PRKCH: variants seen among roughly 807,000 people sequenced by gnomAD.
PRKCH encodes protein kinase C eta type.
A neutral mutation model predicts 82.5 loss-of-function variants in PRKCH; 28 were observed. The observed-to-expected ratio is 0.34, with a 90% CI of 0.25 to 0.47. PRKCH has a LOEUF of 0.47. Among genes scored for constraint, PRKCH ranks in the 20% least tolerant of loss-of-function variants. The pLI, the probability that PRKCH is intolerant of heterozygous loss-of-function variation, is 1.00. For missense variants in PRKCH, 705 were observed against 881.8 expected, an observed-to-expected ratio of 0.80 and a Z score of 2.54; for synonymous variants, 322 against 327.4, an observed-to-expected ratio of 0.98 and a Z score of 0.18.
At chr14:61,264,299 C>T (rs2045076729) in intron 1 of PRKCH, among the ~76,000 whole-genome samples, 1 of 152,150 alleles carries the variant, frequency 6.6e-6, no homozygotes, top group South Asian at 2.1e-4. Flanking sequence ...GTTTGCTTTT[C>T]AAGCTTAGGG....
intron 2 of PRKCH, among the ~76,000 whole-genome samples, chr14:61,441,782 G>A (rs1390442432): frequency 1.6e-5 from 2 of 126,808 alleles, no homozygotes; most frequent in Non-Finnish European, 3.3e-5. Context: ...TTGCAAATCT[G>A]TGAACTTTGG....
intron 1 of PRKCH, among the ~76,000 whole-genome samples, chr14:61,202,707 A>C (rs972496774): frequency 5.3e-5 from 8 of 152,186 alleles, no homozygotes; most frequent in Non-Finnish European, 1.0e-4. Flanking sequence ...CAAAAAAATT[A>C]ATAGACTATT....
At chr14:61,197,381 G>A (rs1278451858) in intron 1 of PRKCH, among the ~76,000 whole-genome samples, 3 of 152,146 alleles carry the variant, frequency 2.0e-5, no homozygotes, top group African/African-American at 7.2e-5. Context: ...ATAGGGCTTA[G>A]CCCAGTACTA....
chr14:61,331,922 C>G (rs957483531), intron 1 of PRKCH, among the ~76,000 whole-genome samples: 6 of 152,196 alleles, frequency 3.9e-5, no homozygotes, highest in African/African-American at 1.4e-4. Context: ...TGTATAGCAT[C>G]GCTAGTGATG....
chr14:61,528,982 G>GTGTT, intron 10 of PRKCH, 93 bp from the exon 11 acceptor site: 1 of 1,148,242 alleles, frequency 8.7e-7, no homozygotes, highest in African/African-American at 1.6e-5. Flanking sequence ...ACGTGTGTGT[G>GTGTT]TGTGTGTGTG....
At position 61,280,046 on chromosome 14, in the gene PRKCH, G is replaced by A; in HGVS notation, c.-19+92378G>A. ...GAGGAGGAGATGCCAAAAGCACCTTGCAAGAGTTTTGGCAAGAAGCAGGAG... is the reference window on the plus strand; with the variant it reads ...GAGGAGGAGATGCCAAAAGCACCTTACAAGAGTTTTGGCAAGAAGCAGGAG... On this transcript the variant is annotated intron_variant, in intron 1 of 3. Transcript: ENST00000555185. This position sits in a 1 kb window ranked among gnomAD's most constrained non-coding sequence, Gnocchi z 5.0. The A allele has an allele frequency of 1.3e-6, 2 of 1,508,174 alleles. No individual in the cohort carries two copies. The highest frequency in any genetic ancestry group is 1.8e-6 in the Non-Finnish European group (2 of 1,121,370). The allele number at this position is 1,508,174 out of a possible 1,614,324, so 93.4% of individuals were successfully genotyped here. A position where few individuals can be genotyped will look rare whatever the true frequency, so the allele number is the denominator to read the frequency against.
chr14:61,328,813 C>A (rs992649564), intron 1 of PRKCH, among the ~76,000 whole-genome samples: 2 of 151,798 alleles, frequency 1.3e-5, no homozygotes, highest in Admixed American at 6.6e-5. Context: ...AATAGTGAGA[C>A]CCCATCTCCA....
chr14:61,454,465 G>T (rs1476992273), intron 7 of PRKCH, among the ~76,000 whole-genome samples: 1 of 152,102 alleles, frequency 6.6e-6, no homozygotes, highest in Non-Finnish European at 1.5e-5. Context: ...TAAAACCCAG[G>T]ATCCTGGGTT....
At chr14:61,211,091 G>A (rs2044575441) in intron 1 of PRKCH, among the ~76,000 whole-genome samples, 1 of 152,174 alleles carries the variant, frequency 6.6e-6, no homozygotes, top group African/African-American at 2.4e-5. Context: ...ACTGGAACCT[G>A]TCTTTGTCTC....
intron 1 of PRKCH, among the ~76,000 whole-genome samples, chr14:61,323,353 ACT>A (rs2045656066): frequency 6.6e-6 from 1 of 152,132 alleles, no homozygotes; most frequent in Admixed American, 6.6e-5. Context: ...TAATCCTCAC[ACT>A]GTCTTTGTGA....
intron 1 of PRKCH, among the ~76,000 whole-genome samples, chr14:61,227,663 C>T (rs115642492): frequency 1.3e-5 from 2 of 151,994 alleles, no homozygotes; most frequent in Non-Finnish European, 2.9e-5. Flanking sequence ...TTTTTATGTC[C>T]ATGCATAGGA....
chr14:61,490,944 A>G (rs1886426522), intron 10 of PRKCH, among the ~76,000 whole-genome samples: 1 of 152,050 alleles, frequency 6.6e-6, no homozygotes, highest in Non-Finnish European at 1.5e-5. Flanking sequence ...ACAAAAAAAA[A>G]TGGTGTCTTG....
chr14:61,470,843 T>C (rs1173912266), intron 9 of PRKCH, among the ~76,000 whole-genome samples: 1 of 152,088 alleles, frequency 6.6e-6, no homozygotes, highest in African/African-American at 2.4e-5. Context: ...GCTAGCCAAA[T>C]TCTTCCCTCC....
intron 1 of PRKCH, among the ~76,000 whole-genome samples, chr14:61,286,301 T>G (rs1466938268): frequency 1.4e-5 from 2 of 145,750 alleles, no homozygotes; most frequent in African/African-American, 5.0e-5. Flanking sequence ...TGGACTTCAT[T>G]TTTTATTAAG....
chr14:61,544,598 G>A (rs768503081), intron 12 of PRKCH: 1 of 152,194 alleles, frequency 6.6e-6, no homozygotes, highest in Non-Finnish European at 1.5e-5. Flanking sequence ...GAATTCATCT[G>A]CATGTGGGTG....
intron 1 of PRKCH, among the ~76,000 whole-genome samples, chr14:61,388,926 T>C (rs1294595257): frequency 1.3e-5 from 2 of 152,224 alleles, no homozygotes; most frequent in Non-Finnish European, 2.9e-5. Flanking sequence ...TTATACAGGT[T>C]AAGCTTTCTG....
In PRKCH at chr14:61,201,244, ATTAT is replaced by A. The variant is rs371532683; in HGVS notation, c.-19+13580_-19+13583del. On this transcript the variant is annotated intron_variant, in intron 1 of 3. Transcript: ENST00000555185. The stretch of plus-strand genomic sequence containing the variant: ...CAGGTACTGTGCTAATGCTTTATAG[ATTAT>A]TTAATCTTCAAACAATTATTTGAGG... Among the ~76,000 whole-genome samples the A allele has an allele frequency of 1.5e-3, 232 of 152,284 alleles. 1 individual carries two copies. Among genetic ancestry groups the A allele is most frequent in the African/African-American group, 5.1e-3 (211 of 41,548 alleles).
In PRKCH at chr14:61,393,850, A is replaced by G. The variant is rs188555100; in HGVS notation, c.427+2562A>G. Among the ~76,000 whole-genome samples, 191 of 152,396 alleles carry G rather than the reference A, an allele frequency of 1.3e-3. 1 individual carries two copies. The highest frequency in any genetic ancestry group is 4.4e-3 in the African/African-American group (182 of 41,604). ...GGGGAATAATCTGGAGAAAAGCCCT[A>G]CAAATGTGGGTCTCACCTAATGCGG... is the stretch of plus-strand genomic sequence containing the variant. On this transcript the variant is annotated intron_variant, in intron 2 of 13. Coordinates refer to ENST00000332981, the MANE Select transcript of PRKCH (RefSeq NM_006255.5).
chr14:61,544,977 G>A (rs996734859), intron 12 of PRKCH: 1 of 152,200 alleles, frequency 6.6e-6, no homozygotes, highest in African/African-American at 2.4e-5. Context: ...TGTGTTCTCA[G>A]CTATTGTCTC....
Sources: allele counts gnomAD v4.1 joint callset (sites outside exome capture counted in the v4.1 genomes callset), GRCh38; gene constraint gnomAD v4.1.1; non-coding constraint Gnocchi (gnomAD v3.1); transcripts MANE v1.5; gene names NCBI Gene and HGNC (gene_info 2026-07-23, HGNC 2026-07-21).